Variants in PTK2B observed in about 807,000 individuals in gnomAD.
PTK2B encodes the protein protein-tyrosine kinase 2-beta.
In PTK2B, 71 loss-of-function variants were observed where a neutral mutation model predicts 142.9. The observed-to-expected ratio is 0.50, with a 90% CI of 0.41 to 0.61. The LOEUF (loss-of-function observed/expected upper bound fraction) is 0.61, where lower values mean the gene tolerates loss of function less well. Ranked by LOEUF, PTK2B falls within the 20% of genes least tolerant of loss-of-function variation. PTK2B has a pLI of 0.00. For synonymous variants in PTK2B, 519 were observed against 503.4 expected, an observed-to-expected ratio of 1.03 and a Z score of -0.42; for missense variants, 1,105 against 1,320.4, an observed-to-expected ratio of 0.84 and a Z score of 2.53.
chr8:27,410,502 G>A (rs1233776477), intron 2 of PTK2B, among the ~76,000 whole-genome samples: 1 of 152,264 alleles, frequency 6.6e-6, no homozygotes, highest in African/African-American at 2.4e-5. Flanking sequence ...GTGGAGGACA[G>A]TGGGGGACTC....
intron 21 of PTK2B, 94 bp downstream of exon 21, chr8:27,440,535 A>G (rs1283069176): frequency 3.2e-5 from 45 of 1,420,396 alleles, no homozygotes; most frequent in South Asian, 1.5e-4. Flanking sequence ...ACATCTCCCT[A>G]AAGAAGACGG....
chr8:27,322,988 T>A (rs890809706), upstream of PTK2B, among the ~76,000 whole-genome samples: 3 of 152,250 alleles, frequency 2.0e-5, no homozygotes, highest in Non-Finnish European at 2.9e-5. Flanking sequence ...TCCTCTGCTG[T>A]CTCTGACTCT....
chr8:27,317,989 T>A (rs1014054589), intron 3 of PTK2B, among the ~76,000 whole-genome samples: 2 of 152,214 alleles, frequency 1.3e-5, no homozygotes, highest in African/African-American at 4.8e-5. Context: ...TTCAGAAATA[T>A]ATTTTGTGGT....
At chr8:27,414,608 G>C (rs78594425) in intron 2 of PTK2B, among the ~76,000 whole-genome samples, 7 of 148,980 alleles carry the variant, frequency 4.7e-5, no homozygotes, top group Admixed American at 2.7e-4. Context: ...CTCTCTCTCT[G>C]TGTGTGTGTG....
chr8:27,386,133 T>A (rs916234536), intron 1 of PTK2B, among the ~76,000 whole-genome samples: 3 of 152,204 alleles, frequency 2.0e-5, no homozygotes, highest in Non-Finnish European at 2.9e-5. Flanking sequence ...CACTTAACAT[T>A]TTTATATAAA....
intron 9 of PTK2B, 122 bp downstream of exon 9, chr8:27,431,594 C>A: frequency 1.5e-6 from 2 of 1,311,180 alleles, no homozygotes; most frequent in South Asian, 1.4e-5. Context: ...CAGAGTTCTT[C>A]TAAGGCCATG....
At chr8:27,350,113 G>A (rs781544850) in intron 1 of PTK2B, among the ~76,000 whole-genome samples, 6 of 152,194 alleles carry the variant, frequency 3.9e-5, no homozygotes, top group Non-Finnish European at 5.9e-5. Flanking sequence ...ATAAAGGTAC[G>A]GGGAAGCAAT....
At chr8:27,356,625 C>G (rs1332731672) in intron 1 of PTK2B, among the ~76,000 whole-genome samples, 1 of 152,220 alleles carries the variant, frequency 6.6e-6, no homozygotes, top group Non-Finnish European at 1.5e-5. Flanking sequence ...AGGACTAGCC[C>G]TCTTGTCAAA....
intron 3 of PTK2B, among the ~76,000 whole-genome samples, chr8:27,320,524 C>A (rs1803188633): frequency 6.6e-6 from 1 of 152,162 alleles, no homozygotes; most frequent in Non-Finnish European, 1.5e-5. Flanking sequence ...TTCCCATGAC[C>A]CCTCCTTAGG....
intron 1 of PTK2B, among the ~76,000 whole-genome samples, chr8:27,377,673 A>C (rs1374969644): frequency 6.6e-6 from 1 of 152,200 alleles, no homozygotes; most frequent in Non-Finnish European, 1.5e-5. Flanking sequence ...GTACACTGTG[A>C]GCTCTCTGTC....
chr8:27,442,861 G>A lies in PTK2B; in HGVS notation c.2040-14G>A, dbSNP rs376744941. The A allele has an allele frequency of 3.9e-5, 62 of 1,606,296 alleles. No individual in the cohort carries two copies. Among genetic ancestry groups the A allele is most frequent in the African/African-American group, 3.1e-4 (23 of 74,862 alleles). On this transcript the variant is annotated splice_polypyrimidine_tract_variant and intron_variant, in intron 21 of 30. Transcript: ENST00000346049. ...GACCTAGTTTCTCTCCTTATCTGAC[G>A]TGACTCCCTGCAGTGACGTTTATCA...
At chr8:27,386,204 T>C (rs1807343228) in intron 1 of PTK2B, among the ~76,000 whole-genome samples, 2 of 152,242 alleles carry the variant, frequency 1.3e-5, no homozygotes, top group South Asian at 4.1e-4. Context: ...TGCTCCGACT[T>C]CCCCCTGAGC....
At chr8:27,328,629 A>G (rs1803556860) in intron 1 of PTK2B, among the ~76,000 whole-genome samples, 1 of 152,188 alleles carries the variant, frequency 6.6e-6, no homozygotes, top group Non-Finnish European at 1.5e-5. Context: ...GAGGTGTTCC[A>G]CTGATGAAAC....
intron 1 of PTK2B, among the ~76,000 whole-genome samples, chr8:27,369,099 T>A (rs1403613026): frequency 6.6e-6 from 1 of 152,208 alleles, no homozygotes; most frequent in Non-Finnish European, 1.5e-5. Context: ...GCTGTGATAT[T>A]ATGTTGAAAG....
intron 21 of PTK2B, 77 bp from the exon 22 acceptor site, chr8:27,442,798 C>G (rs934227164): frequency 3.4e-5 from 44 of 1,310,586 alleles, no homozygotes; most frequent in Non-Finnish European, 4.3e-5. Flanking sequence ...TGGGCCTCCA[C>G]GAAGTACAAA....
At chr8:27,356,288 G>A (rs1050551436) in intron 1 of PTK2B, among the ~76,000 whole-genome samples, 12 of 152,172 alleles carry the variant, frequency 7.9e-5, no homozygotes, top group Admixed American at 4.6e-4. Flanking sequence ...CTTACTGACC[G>A]TATTGGGCCC....
In PTK2B at chr8:27,314,814, A is replaced by G. The variant is rs527252915; in HGVS notation, c.-414+1527A>G. Among the ~76,000 whole-genome samples the G allele has an allele frequency of 5.9e-5, 9 of 152,304 alleles. No homozygotes were observed. In the South Asian group the frequency reaches 1.4e-3, roughly 25 times the overall value. On this transcript the variant is annotated intron_variant, in intron 3 of 35. Transcript: ENST00000397501. ...GCCAATAACCTGGACACCCTCCACCATTAACAGTCCCAGCTACTCTGGAGG... is the reference window on the plus strand; with the variant it reads ...GCCAATAACCTGGACACCCTCCACCGTTAACAGTCCCAGCTACTCTGGAGG...
intron 1 of PTK2B, among the ~76,000 whole-genome samples, chr8:27,366,534 A>G (rs1449006674): frequency 6.6e-6 from 1 of 152,246 alleles, no homozygotes; most frequent in East Asian, 1.9e-4. Flanking sequence ...AGTTCTAGGC[A>G]GAAGCTGAGC....
At chr8:27,424,302 T>G (rs1298278815) in intron 5 of PTK2B, among the ~76,000 whole-genome samples, 4 of 152,170 alleles carry the variant, frequency 2.6e-5, no homozygotes, top group Non-Finnish European at 5.9e-5. Context: ...AAACTATTAC[T>G]GGTGGTGGCC....
Sources: gnomAD v4.1 joint callset for allele counts (sites outside exome capture counted in the v4.1 genomes callset) on GRCh38, gnomAD v4.1.1 for gene constraint, MANE v1.5 for transcripts, NCBI Gene and HGNC (gene_info 2026-07-23, HGNC 2026-07-21) for gene names.